ZCCHC10: variants seen among roughly 807,000 people sequenced by gnomAD.
ZCCHC10 encodes the protein zinc finger CCHC-type containing 10, also known as zinc finger CCHC domain-containing protein 10.
ZCCHC10 carries 16 observed loss-of-function variants against 19.5 expected under a neutral mutation model. That is an observed-to-expected ratio of 0.82 (90% CI 0.56 to 1.25). ZCCHC10 has a LOEUF of 1.25. Ranked by LOEUF, ZCCHC10 falls within the 50% of genes most tolerant of loss-of-function variation. The probability of loss-of-function intolerance (pLI) is 0.00; values close to 1 mark genes in which losing one functional copy is unlikely to be tolerated. For synonymous variants in ZCCHC10, 67 were observed against 72.5 expected, an observed-to-expected ratio of 0.92 and a Z score of 0.38; for missense variants, 197 against 201.0, an observed-to-expected ratio of 0.98 and a Z score of 0.12.
chr5:133,003,469 A>C (rs1423197854), intron 3 of ZCCHC10: 1 of 212,268 alleles, frequency 4.7e-6, no homozygotes, highest in Non-Finnish European at 9.6e-6. Context: ...AATGCATGAA[A>C]TCATGTTGAG....
At position 132,998,697 on chromosome 5, in the gene ZCCHC10, T is replaced by C. The variant is rs770105689; in HGVS notation, c.465A>G (p.Thr155=). The C allele has an allele frequency of 2.5e-6, 4 of 1,614,072 alleles. No individual in the cohort carries two copies. The highest frequency in any genetic ancestry group is 3.3e-5 in the Admixed American group (2 of 59,974). ...SSSSSSSASS[T]TSSSSSDSDS... ...CTGAATCAGAGGAGGAGGAAGAGGT[T>C]GTGGAGGAGGCTGAGGATGAGGAAC... is the stretch of plus-strand genomic sequence containing the variant. The change falls in exon 5 of 5, where the codon ACA becomes ACG. Residue 155 remains threonine (T), a synonymous_variant. Transcript: ENST00000509437.
chr5:133,006,775 ATC>A lies in ZCCHC10; in HGVS notation c.251_252del (p.Arg84IlefsTer22). On this transcript the variant is annotated frameshift_variant, in exon 3 of 5. Coordinates refer to ENST00000509437, the MANE Select transcript of ZCCHC10 (RefSeq NM_001300816.3). LOFTEE classifies it high-confidence loss of function. ...LKKALKEKEN[R>X]LLLQQSIGET... ...TAAACCTACCTTTGTTGCAATAATA[ATC>A]TGTTTTCTTTTTCTTTTAAAGCTTT... 3.1e-6 allele frequency: 5 copies of A among 1,604,230 alleles called. No homozygotes were observed. Among genetic ancestry groups the A allele is most frequent in the East Asian group, 4.5e-5 (2 of 44,684 alleles).
At position 133,019,855 on chromosome 5, in the gene ZCCHC10, G is replaced by A. The variant is rs1764181222; in HGVS notation, c.107+2986C>T. Among the ~76,000 whole-genome samples, 6 of 150,884 alleles carry A rather than the reference G, an allele frequency of 4.0e-5. No homozygotes were observed. In the Admixed American group the frequency reaches 4.0e-4, roughly 10 times the overall value. On this transcript the variant is annotated intron_variant, in intron 2 of 4. Transcript: ENST00000509437. Reference sequence around the variant, plus strand: ...TAGTCCTAGCTACTTGGGAGGCTGAGACAGGAGAATTGCTTGAATCCCAGA... The same window carrying A: ...TAGTCCTAGCTACTTGGGAGGCTGAAACAGGAGAATTGCTTGAATCCCAGA...
intron 2 of ZCCHC10, among the ~76,000 whole-genome samples, chr5:133,014,009 A>G (rs1763749981): frequency 6.6e-6 from 1 of 151,930 alleles, no homozygotes; most frequent in Admixed American, 6.6e-5. Context: ...TCAAATAATT[A>G]TTTTTCCTGA....
intron 2 of ZCCHC10, among the ~76,000 whole-genome samples, chr5:133,014,454 C>T (rs1408761301): frequency 1.3e-5 from 2 of 152,108 alleles, no homozygotes; most frequent in Non-Finnish European, 2.9e-5. Flanking sequence ...CGTGAGCCAC[C>T]GCGCCCAGAC....
At chr5:133,017,368 G>A (rs1763993700) in intron 2 of ZCCHC10, among the ~76,000 whole-genome samples, 1 of 140,600 alleles carries the variant, frequency 7.1e-6, no homozygotes, top group Non-Finnish European at 1.6e-5. Context: ...TCCATAGCAT[G>A]ATTTTTTTTT....
intron 3 of ZCCHC10, among the ~76,000 whole-genome samples, chr5:133,002,242 T>G (rs1006712574): frequency 2.6e-5 from 4 of 152,124 alleles, no homozygotes; most frequent in Non-Finnish European, 5.9e-5. Context: ...ATTGCAGGTG[T>G]GAGCCAAGGT....
chr5:133,013,226 C>T (rs1445911706), intron 2 of ZCCHC10, among the ~76,000 whole-genome samples: 1 of 146,226 alleles, frequency 6.8e-6, no homozygotes, highest in African/African-American at 2.6e-5. Flanking sequence ...CTGCTGCACT[C>T]CAGCCTGGGC....
intron 3 of ZCCHC10, among the ~76,000 whole-genome samples, chr5:133,001,915 A>G (rs1762797539): frequency 6.8e-6 from 1 of 147,222 alleles, no homozygotes; most frequent in Non-Finnish European, 1.5e-5. Context: ...AGGGTGAAGT[A>G]TACTTATTAA....
chr5:133,003,104 C>A, intron 3 of ZCCHC10: 1 of 286,892 alleles, frequency 3.5e-6, no homozygotes. Context: ...CAGTTGGAGG[C>A]TTCTGCTGCA....
chr5:133,018,306 AT>A (rs879292993), intron 2 of ZCCHC10, among the ~76,000 whole-genome samples: 674 of 143,016 alleles, frequency 4.7e-3, no homozygotes, highest in East Asian at 8.9e-3. Context: ...CAGCAAGCTG[AT>A]TTTTTTTTTT....
intron 2 of ZCCHC10, among the ~76,000 whole-genome samples, chr5:133,021,520 GATCTGTACACTCAATGC>G (rs1194322063): frequency 6.6e-6 from 1 of 152,178 alleles, no homozygotes; most frequent in Non-Finnish European, 1.5e-5. Context: ...TCCATAGGTT[GATCTGTACACTCAATGC>G]AATCCCAGCT....
chr5:133,024,597 G>T (rs538915350), intron 1 of ZCCHC10, among the ~76,000 whole-genome samples: 1 of 152,162 alleles, frequency 6.6e-6, no homozygotes, highest in East Asian at 1.9e-4. Context: ...TCCCATTTTT[G>T]ATCTCAGAAT....
intron 3 of ZCCHC10, 51 bp from the exon 4 acceptor site, chr5:133,000,224 C>T (rs1762679129): frequency 5.0e-6 from 8 of 1,598,720 alleles, no homozygotes; most frequent in Non-Finnish European, 6.0e-6. Flanking sequence ...TGATTATACA[C>T]AGCTCAGACA....
intron 2 of ZCCHC10, among the ~76,000 whole-genome samples, chr5:133,008,813 A>T (rs779071024): frequency 1.3e-5 from 2 of 151,820 alleles, no homozygotes; most frequent in Non-Finnish European, 2.9e-5. Flanking sequence ...GAAGTTTGAG[A>T]CTAGCCTGGG....
intron 2 of ZCCHC10, among the ~76,000 whole-genome samples, chr5:133,013,530 T>C (rs1342994430): frequency 6.6e-6 from 1 of 151,846 alleles, no homozygotes; most frequent in Non-Finnish European, 1.5e-5. Context: ...GAGACCAGCC[T>C]GGACAACATA....
At chr5:133,019,366 A>G (rs1764142800) in intron 2 of ZCCHC10, among the ~76,000 whole-genome samples, 1 of 152,228 alleles carries the variant, frequency 6.6e-6, no homozygotes, top group African/African-American at 2.4e-5. Context: ...AACAAACAAG[A>G]TTACCATTTC....
chr5:133,026,483 G>A lies in ZCCHC10; in HGVS notation c.41+14C>T. ...CCCAGCCCTCCAGTGGACCCGAACCGGATCCTTACTTACGCTTGTCTCCGG... is the reference window on the plus strand; with the variant it reads ...CCCAGCCCTCCAGTGGACCCGAACCAGATCCTTACTTACGCTTGTCTCCGG... On this transcript the variant is annotated intron_variant, in intron 1 of 4. Transcript: ENST00000509437. 2.5e-6 allele frequency: 4 copies of A among 1,613,270 alleles called. No individual in the cohort carries two copies. The highest frequency in any genetic ancestry group is 1.3e-5 in the African/African-American group (1 of 74,996).
rs183718309 is a variant in ZCCHC10, at chr5:133,009,002, G to A, written c.108-2082C>T. 1.2e-3 allele frequency among the ~76,000 whole-genome samples: 187 copies of A among 151,846 alleles called. 1 individual carries two copies. Among genetic ancestry groups the A allele is most frequent in the African/African-American group, 4.3e-3 (179 of 41,444 alleles). ...CACTTCAACTTGGGTGACAGAGGGA[G>A]ATTCTCTTTTTTTTTTTTTTTAAAG... is the stretch of plus-strand genomic sequence containing the variant. On this transcript the variant is annotated intron_variant, in intron 2 of 4. Coordinates refer to ENST00000509437, the MANE Select transcript of ZCCHC10 (RefSeq NM_001300816.3).
Sources: gnomAD v4.1 joint callset for allele counts (sites outside exome capture counted in the v4.1 genomes callset) on GRCh38, gnomAD v4.1.1 for gene constraint, MANE v1.5 for transcripts, NCBI Gene and HGNC (gene_info 2026-07-23, HGNC 2026-07-21) for gene names.